The following ZHX2 variants were observed in gnomAD, a reference collection of about 807,000 sequenced individuals.
ZHX2 encodes zinc fingers and homeoboxes protein 2.
ZHX2 carries 6 observed loss-of-function variants against 21.9 expected under a neutral mutation model. That is an observed-to-expected ratio of 0.27 (90% CI 0.15 to 0.54). The LOEUF (loss-of-function observed/expected upper bound fraction) is 0.54. Ranked by LOEUF, ZHX2 falls within the 20% of genes least tolerant of loss-of-function variation. The probability of loss-of-function intolerance (pLI) is 0.95; values close to 1 mark genes in which losing one functional copy is unlikely to be tolerated. For synonymous variants in ZHX2, 434 were observed against 437.1 expected, an observed-to-expected ratio of 0.99 and a Z score of 0.09; for missense variants, 908 against 1,090.7, an observed-to-expected ratio of 0.83 and a Z score of 2.36.
intron 1 of ZHX2, among the ~76,000 whole-genome samples, chr8:122,856,757 G>C (rs1266976739): frequency 6.6e-6 from 1 of 152,102 alleles, no homozygotes; most frequent in Non-Finnish European, 1.5e-5. Context: ...AGGGTGCCTG[G>C]TGGTGCTTCT....
intron 1 of ZHX2, among the ~76,000 whole-genome samples, chr8:122,791,866 T>TA (rs5894644): frequency 0.37 from 49,842 of 134,790 alleles, 8,583 homozygotes; most frequent in Admixed American, 0.4. Flanking sequence ...CTCCATCTCA[T>TA]AAAAAAAAAA....
chr8:122,825,993 G>A (rs1818258207), intron 1 of ZHX2, among the ~76,000 whole-genome samples: 1 of 152,144 alleles, frequency 6.6e-6, no homozygotes, highest in Admixed American at 6.5e-5. Flanking sequence ...CTTGGGCTCT[G>A]CTCAGAAAAG....
chr8:122,954,935 T>C (rs7011777), intron 3 of ZHX2, among the ~76,000 whole-genome samples: 28,180 of 151,930 alleles, frequency 0.19, 3,380 homozygotes, highest in South Asian at 0.42. Flanking sequence ...TTTCTTCTAA[T>C]CTGAAAAGGC....
rs781325520 is a variant in ZHX2 at position 122,953,809 on chromosome 8, G to A, written c.2299G>A (p.Ala767Thr). 1.2e-5 allele frequency: 19 copies of A among 1,614,232 alleles called. No individual in the cohort carries two copies. The highest frequency in any genetic ancestry group is 1.6e-5 in the Non-Finnish European group (19 of 1,180,038). ...CTGTTTGCCAGCAAAGCCCTCAGAGGCCACCTCAGACCGGTCAGAGGGCAG... is the reference window on the plus strand; with the variant it reads ...CTGTTTGCCAGCAAAGCCCTCAGAGACCACCTCAGACCGGTCAGAGGGCAG... Reference protein sequence around the residue: ...KDCLPAKPSEATSDRSEGSSR... With the variant: ...KDCLPAKPSETTSDRSEGSSR... The change falls in exon 3 of 4, where the codon GCC becomes ACC. Residue 767 changes from alanine (A) to threonine (T), a missense_variant. Physicochemically the swap from Ala to Thr is moderately conservative, Grantham distance 58. Transcript: ENST00000314393. The surrounding 1 kb of genome is among the most constrained non-coding windows in gnomAD (Gnocchi z 4.6).
intron 2 of ZHX2, among the ~76,000 whole-genome samples, chr8:122,883,270 G>A (rs532322615): frequency 1.1e-4 from 17 of 152,138 alleles, no homozygotes; most frequent in East Asian, 3.9e-4. Flanking sequence ...ACCTGAGCCC[G>A]GGTTCCCTGG....
chr8:122,905,493 C>G (rs1820325664), intron 2 of ZHX2, among the ~76,000 whole-genome samples: 1 of 152,144 alleles, frequency 6.6e-6, no homozygotes, highest in African/African-American at 2.4e-5. Flanking sequence ...GATTTTTAGC[C>G]AACAGCTCTG....
chr8:122,839,865 T>G (rs1818587937), intron 1 of ZHX2, among the ~76,000 whole-genome samples: 1 of 152,210 alleles, frequency 6.6e-6, no homozygotes, highest in African/African-American at 2.4e-5. Flanking sequence ...TCTTTTAAAC[T>G]TTGTGTTGTG....
At chr8:122,943,942 T>A (rs989097671) in intron 2 of ZHX2, among the ~76,000 whole-genome samples, 1 of 152,150 alleles carries the variant, frequency 6.6e-6, no homozygotes, top group African/African-American at 2.4e-5. Context: ...CAACCTAAGT[T>A]GTTCAGCCTC....
intron 1 of ZHX2, among the ~76,000 whole-genome samples, chr8:122,861,260 A>T (rs1819161010): frequency 6.6e-6 from 1 of 152,170 alleles, no homozygotes; most frequent in East Asian, 1.9e-4. Context: ...AGCTGCTTTT[A>T]CTTGGTGAAG....
chr8:122,825,476 G>T (rs559129074), intron 1 of ZHX2, among the ~76,000 whole-genome samples: 2 of 152,130 alleles, frequency 1.3e-5, no homozygotes, highest in Non-Finnish European at 2.9e-5. Flanking sequence ...CTTGTTCAAT[G>T]ATCTTAAACC....
At chr8:122,931,586 G>T (rs1371047422) in intron 2 of ZHX2, among the ~76,000 whole-genome samples, 2 of 152,184 alleles carry the variant, frequency 1.3e-5, no homozygotes, top group Non-Finnish European at 2.9e-5. Context: ...ATACAGGGGT[G>T]TGTAGCCGAG....
At chr8:122,940,359 C>T (rs1356413241) in intron 2 of ZHX2, among the ~76,000 whole-genome samples, 6 of 152,150 alleles carry the variant, frequency 3.9e-5, no homozygotes, top group Admixed American at 2.0e-4. Flanking sequence ...TCGGGGCTCC[C>T]GGTTCACATG....
At position 122,953,891 on chromosome 8, in the gene ZHX2, T is replaced by G; in HGVS notation, c.2381T>G (p.Val794Gly). The G allele has an allele frequency of 6.8e-6, 11 of 1,614,062 alleles. No individual in the cohort carries two copies. The highest frequency in any genetic ancestry group is 7.6e-6 in the Non-Finnish European group (9 of 1,180,002). Residue 794 changes from valine to glycine, a missense_variant, in exon 3 of 4, where the codon GTG (valine) becomes GGG (glycine). Coordinates refer to ENST00000314393, the MANE Select transcript of ZHX2 (RefSeq NM_014943.5). The surrounding 1 kb of genome is among the most constrained non-coding windows in gnomAD (Gnocchi z 4.6). ...ENEESSVVDYVEVTVGEEDAI... is the reference protein window; with the variant it reads ...ENEESSVVDYGEVTVGEEDAI... ...GAGGAGTCGAGCGTTGTGGATTACG[T>G]GGAGGTGACGGTCGGGGAGGAGGAT...
At chr8:122,818,840 A>T (rs1818083494) in intron 1 of ZHX2, among the ~76,000 whole-genome samples, 1 of 152,158 alleles carries the variant, frequency 6.6e-6, no homozygotes, top group South Asian at 2.1e-4. Context: ...CAAACCAGTA[A>T]CTGTAGGGAT....
At position 122,955,839 on chromosome 8, in the gene ZHX2, A is replaced by ATTTTTTTTTTTTTT. The variant is rs540333833; in HGVS notation, c.*4+1821_*4+1834dup. Among the ~76,000 whole-genome samples, 5 of 104,902 alleles carry ATTTTTTTTTTTTTT rather than the reference A, an allele frequency of 4.8e-5. 1 individual carries two copies. Among genetic ancestry groups the ATTTTTTTTTTTTTT allele is most frequent in the Admixed American group, 4.2e-4 (4 of 9,582 alleles). 68.8% of individuals were successfully genotyped at this position (104,902 alleles called of 152,430 possible). On this transcript the variant is annotated intron_variant, in intron 3 of 3. Coordinates refer to ENST00000314393, the MANE Select transcript of ZHX2 (RefSeq NM_014943.5). ...CCTCCCTCATTAAAATGAGGGAGTG[A>ATTTTTTTTTTTTTT]TTTTTTTTTTTTTTTTTTTTTTTGA...
intron 1 of ZHX2, among the ~76,000 whole-genome samples, chr8:122,833,147 G>A (rs1818415619): frequency 1.3e-5 from 2 of 152,130 alleles, no homozygotes; most frequent in Admixed American, 1.3e-4. Context: ...CATTGTTTAA[G>A]GTTTAGAACA....
intron 1 of ZHX2, among the ~76,000 whole-genome samples, chr8:122,855,350 A>G (rs758187603): frequency 1.3e-5 from 2 of 152,192 alleles, no homozygotes; most frequent in Admixed American, 6.5e-5. Context: ...ACCACCTTGC[A>G]TTTCAAGTTT....
At chr8:122,878,165 G>T (rs1819614387) in intron 2 of ZHX2, among the ~76,000 whole-genome samples, 1 of 152,156 alleles carries the variant, frequency 6.6e-6, no homozygotes, top group South Asian at 2.1e-4. Context: ...GGCTTGAACA[G>T]TGTAGCAAAA....
chr8:122,972,011 G>C (rs1452193871), intron 3 of ZHX2, among the ~76,000 whole-genome samples: 1 of 152,186 alleles, frequency 6.6e-6, no homozygotes, highest in Non-Finnish European at 1.5e-5. Context: ...CCCAGCTTCT[G>C]GTGTCTGCCG....
Sources: allele counts gnomAD v4.1 joint callset (sites outside exome capture counted in the v4.1 genomes callset), GRCh38; gene constraint gnomAD v4.1.1; non-coding constraint Gnocchi (gnomAD v3.1); transcripts MANE v1.5; gene names NCBI Gene and HGNC (gene_info 2026-07-23, HGNC 2026-07-21).